Variants in SMC3 observed in about 807,000 individuals in gnomAD.
The protein encoded by SMC3 is structural maintenance of chromosomes protein 3.
SMC3 carries 20 observed loss-of-function variants against 171.8 expected under a neutral mutation model. That is an observed-to-expected ratio of 0.12 (90% CI 0.08 to 0.17). SMC3 has a LOEUF of 0.17. Among genes scored for constraint, SMC3 ranks in the 10% least tolerant of loss-of-function variants. The probability of loss-of-function intolerance (pLI) is 1.00; values close to 1 mark genes in which losing one functional copy is unlikely to be tolerated. For synonymous variants in SMC3, 464 were observed against 451.1 expected, an observed-to-expected ratio of 1.03 and a Z score of -0.36; for missense variants, 543 against 1,420.4, an observed-to-expected ratio of 0.38 and a Z score of 9.93.
intron 10 of SMC3, among the ~76,000 whole-genome samples, chr10:110,583,065 T>A (rs1179248707): frequency 1.3e-5 from 2 of 151,338 alleles, no homozygotes; most frequent in Non-Finnish European, 3.0e-5. Flanking sequence ...CTATTTTTGT[T>A]ATTTTTTGAA....
intron 7 of SMC3, among the ~76,000 whole-genome samples, chr10:110,580,057 C>T (rs1003474160): frequency 6.6e-6 from 1 of 151,956 alleles, no homozygotes; most frequent in South Asian, 2.1e-4. Flanking sequence ...AATTTTAAAA[C>T]AGTACAATAA....
chr10:110,569,200 T>G (rs1201619203), intron 2 of SMC3, among the ~76,000 whole-genome samples, 187 bp downstream of exon 2: 2 of 152,048 alleles, frequency 1.3e-5, no homozygotes, highest in East Asian at 1.9e-4. Context: ...TTAAAATGTT[T>G]GGATAAGACA....
Position 110,582,574 on chromosome 10 carries a change from CGA to C in SMC3, c.741_742del (p.Glu247AspfsTer2). ...TTTTTTTTCTTAGCTTTCTGCTAAG[CGA>C]GAGACTAGTGGAGAAAAATCCAGAC... ...RAKLDELSAK[R>X]ETSGEKSRQL... On this transcript the variant is annotated frameshift_variant, in exon 10 of 29. Coordinates refer to ENST00000361804, the MANE Select transcript of SMC3 (RefSeq NM_005445.4). LOFTEE classifies it high-confidence loss of function. The C allele has an allele frequency of 6.2e-7, 1 of 1,612,248 alleles. No individual in the cohort carries two copies. The highest frequency in any genetic ancestry group is 8.5e-7 in the Non-Finnish European group (1 of 1,178,530).
At chr10:110,583,757 A>T (rs1261986856) in intron 11 of SMC3, 84 bp from the exon 12 acceptor site, 1 of 1,499,444 alleles carries the variant, frequency 6.7e-7, no homozygotes, top group Non-Finnish European at 9.1e-7. Context: ...TTTCTCATGA[A>T]GTTTTTTTCC....
chr10:110,569,053 T>C (rs775477841), intron 2 of SMC3, 40 bp downstream of exon 2: 3 of 1,224,594 alleles, frequency 2.4e-6, no homozygotes, highest in East Asian at 4.6e-5. Context: ...TTATAGTCTA[T>C]ACAGATAATG....
intron 9 of SMC3, 129 bp downstream of exon 9, chr10:110,582,227 A>G: frequency 2.4e-6 from 2 of 848,336 alleles, no homozygotes; most frequent in East Asian, 5.1e-5. Context: ...CAATGAATTT[A>G]TTAGTCAGCA....
intron 2 of SMC3, among the ~76,000 whole-genome samples, chr10:110,571,615 C>T (rs2134711291): frequency 6.6e-6 from 1 of 152,260 alleles, no homozygotes; most frequent in African/African-American, 2.4e-5. Context: ...AATGTACTCC[C>T]AAGGTAGCTT....
At chr10:110,576,907 T>C (rs1860958873) in intron 4 of SMC3, among the ~76,000 whole-genome samples, 1 of 152,182 alleles carries the variant, frequency 6.6e-6, no homozygotes, top group Admixed American at 6.5e-5. Context: ...CTGTAGAATG[T>C]CTCAATTTTT....
chr10:110,603,104 G>A (rs1421899146), intron 27 of SMC3, 80 bp from the exon 28 acceptor site: 1 of 1,526,466 alleles, frequency 6.6e-7, no homozygotes, highest in Non-Finnish European at 9.1e-7. Context: ...TTGAATTTTA[G>A]TAAGAGTAAA....
chr10:110,577,355 AAG>A, intron 4 of SMC3, 64 bp from the exon 5 acceptor site: 1 of 1,234,884 alleles, frequency 8.1e-7, no homozygotes, highest in Non-Finnish European at 1.2e-6. Context: ...CCTAGACTTT[AAG>A]AATCCTTTAA....
chr10:110,589,780 T>G, intron 14 of SMC3, 72 bp downstream of exon 14: 12 of 1,434,764 alleles, frequency 8.4e-6, no homozygotes, highest in Non-Finnish European at 1.2e-5. Flanking sequence ...GGTCTTTAAG[T>G]TACAAGTTAA....
rs542641476 is a variant in SMC3, at chr10:110,579,366, CG to C, written c.429+661del. Among the ~76,000 whole-genome samples, 572 of 152,146 alleles carry C rather than the reference CG, an allele frequency of 3.8e-3. 3 individuals carry two copies. The highest frequency in any genetic ancestry group is 0.013 in the African/African-American group (531 of 41,510). On this transcript the variant is annotated intron_variant, in intron 7 of 28. Transcript: ENST00000361804. ...TAGAAAATGTGTTACTGGAAGAACA[CG>C]TTTTTTTCCGATTTAACTATTTGTG...
In SMC3 at chr10:110,587,321, G is replaced by A. The variant is rs536223468; in HGVS notation, c.1306-2284G>A. 5.9e-5 allele frequency among the ~76,000 whole-genome samples: 9 copies of A among 152,242 alleles called. 1 individual carries two copies. In the South Asian group the frequency reaches 1.7e-3, roughly 28 times the overall value. On this transcript the variant is annotated intron_variant, in intron 13 of 28. Transcript: ENST00000361804. Reference sequence around the variant, plus strand: ...ATTACTGGTTCTGAGTAGCATCATGGTGTCAGAAAGGGAACCATTAGTGTT... The same window carrying A: ...ATTACTGGTTCTGAGTAGCATCATGATGTCAGAAAGGGAACCATTAGTGTT...
chr10:110,577,947 A>G (rs1860977355), intron 6 of SMC3, 33 bp downstream of exon 6: 4 of 1,413,406 alleles, frequency 2.8e-6, no homozygotes, highest in African/African-American at 2.8e-5. Context: ...AAAAAACTGA[A>G]TATGTACTTA....
At chr10:110,574,691 T>A (rs1236931801) in intron 3 of SMC3, among the ~76,000 whole-genome samples, 3 of 146,128 alleles carry the variant, frequency 2.1e-5, no homozygotes, top group Admixed American at 2.0e-4. Flanking sequence ...CCCCACCACC[T>A]CCACACACAC....
rs372571718 is a variant in SMC3 at position 110,602,188 on chromosome 10, G to A, written c.3105+10G>A. ...GTTAACTTTCAAACAGGTATGTTTC[G>A]CTTTGTAGTTAAAACATACACACAG... On this transcript the variant is annotated intron_variant, in intron 25 of 28. Coordinates refer to ENST00000361804, the MANE Select transcript of SMC3 (RefSeq NM_005445.4). 1.1e-5 allele frequency: 17 copies of A among 1,604,376 alleles called. No homozygotes were observed. Among genetic ancestry groups the A allele is most frequent in the African/African-American group, 2.7e-5 (2 of 74,728 alleles).
At chr10:110,592,405 G>A (rs1245703589) in intron 17 of SMC3, among the ~76,000 whole-genome samples, 1 of 152,194 alleles carries the variant, frequency 6.6e-6, no homozygotes, top group Admixed American at 6.5e-5. Context: ...CTTCTGGGGT[G>A]TCAGCAGTGC....
At chr10:110,567,956 G>A in intron 1 of SMC3, 125 bp downstream of exon 1, 1 of 1,212,424 alleles carries the variant, frequency 8.2e-7, no homozygotes, top group African/African-American at 1.5e-5. Flanking sequence ...GCTGGGCGGG[G>A]ACTGTGGGGG....
chr10:110,575,310 A>G (rs771108360), intron 3 of SMC3, 26 bp from the exon 4 acceptor site: 8 of 1,587,134 alleles, frequency 5.0e-6, no homozygotes, highest in Non-Finnish European at 6.1e-6. Flanking sequence ...TTTAGGGTAT[A>G]CTAATAGTTG....
Sources: gnomAD v4.1 joint callset for allele counts (sites outside exome capture counted in the v4.1 genomes callset) on GRCh38, gnomAD v4.1.1 for gene constraint, MANE v1.5 for transcripts, NCBI Gene and HGNC (gene_info 2026-07-23, HGNC 2026-07-21) for gene names.